Variants in IQGAP2 observed in about 807,000 individuals in gnomAD.
IQGAP2 encodes the protein ras GTPase-activating-like protein IQGAP2.
A neutral mutation model predicts 201.3 loss-of-function variants in IQGAP2; 173 were observed. The observed-to-expected ratio is 0.86, with a 90% CI of 0.76 to 0.98. The LOEUF (loss-of-function observed/expected upper bound fraction) is 0.98. Among genes scored for constraint, IQGAP2 ranks in the 50% least tolerant of loss-of-function variants. The pLI is 0.00. For synonymous variants in IQGAP2, 675 were observed against 673.9 expected (o/e 1.00, Z -0.03); for missense variants, 1,687 against 1,864.8 (o/e 0.90, Z 1.76).
rs59781605 is a variant in IQGAP2 at position 76,471,364 on chromosome 5, C to CA, written c.146+9717dup. ...GTCCTACCTCTGAAAATAAACTAAG[C>CA]AAAAAAAAAAAAAAAAAAAAAACAC... On this transcript the variant is annotated intron_variant, in intron 2 of 35. Coordinates refer to ENST00000274364, the MANE Select transcript of IQGAP2 (RefSeq NM_006633.5). Among the ~76,000 whole-genome samples, 64 of 72,522 alleles carry CA rather than the reference C, an allele frequency of 8.8e-4. 1 individual carries two copies. The South Asian group carries it at 9.9e-3, about 11-fold the overall frequency. The allele number at this position is 72,522 out of a possible 152,430, so 47.6% of individuals were successfully genotyped here.
chr5:76,575,201 CTTACT>C (rs1365619307), intron 4 of IQGAP2, among the ~76,000 whole-genome samples: 2 of 151,496 alleles, frequency 1.3e-5, no homozygotes, highest in East Asian at 3.9e-4. Context: ...GTGAAAATGT[CTTACT>C]TTAAACAGAT....
At chr5:76,446,760 A>T (rs902370003) in intron 1 of IQGAP2, among the ~76,000 whole-genome samples, 2 of 152,230 alleles carry the variant, frequency 1.3e-5, no homozygotes, top group African/African-American at 4.8e-5. Flanking sequence ...CTACCAAATT[A>T]GAATGATCCT....
intron 1 of IQGAP2, among the ~76,000 whole-genome samples, chr5:76,453,926 G>T (rs1457656362): frequency 6.6e-6 from 1 of 152,140 alleles, no homozygotes; most frequent in African/African-American, 2.4e-5. Context: ...ACCTTCTGTT[G>T]TTGGAGTTAA....
At chr5:76,555,591 C>G (rs1393657010) in intron 2 of IQGAP2, among the ~76,000 whole-genome samples, 1 of 152,188 alleles carries the variant, frequency 6.6e-6, no homozygotes, top group Non-Finnish European at 1.5e-5. Context: ...TGTAACAGAT[C>G]AGCAAGCCCC....
At chr5:76,546,344 G>A (rs1472516943) in intron 2 of IQGAP2, among the ~76,000 whole-genome samples, 1 of 152,190 alleles carries the variant, frequency 6.6e-6, no homozygotes, top group Non-Finnish European at 1.5e-5. Flanking sequence ...GCTGAGGCAG[G>A]AGAATCCTCG....
In IQGAP2 at chr5:76,668,811, A is replaced by T. The variant is rs1253259229; in HGVS notation, c.2810A>T (p.Lys937Met). 1 of 1,605,554 alleles carries T rather than the reference A, an allele frequency of 6.2e-7. No homozygotes were observed. Among genetic ancestry groups the T allele is most frequent in the East Asian group, 2.2e-5 (1 of 44,654 alleles). The change falls in exon 23 of 36, where the codon AAG becomes ATG. Residue 937 changes from lysine to methionine, a missense_variant. Physicochemically the swap from Lys to Met is moderately conservative, Grantham distance 95. Coordinates refer to ENST00000274364, the MANE Select transcript of IQGAP2 (RefSeq NM_006633.5). ...SNQREEYLLL[K>M]LFKTALEEEI... Reference sequence around the variant, plus strand: ...CAGCGAGAAGAATATCTACTTCTCAAGCTTTTTAAAACTGCTCTGGAGGAA... The same window carrying T: ...CAGCGAGAAGAATATCTACTTCTCATGCTTTTTAAAACTGCTCTGGAGGAA...
At chr5:76,598,689 G>A (rs913270675) in intron 10 of IQGAP2, among the ~76,000 whole-genome samples, 1 of 152,068 alleles carries the variant, frequency 6.6e-6, no homozygotes, top group Non-Finnish European at 1.5e-5. Context: ...TGACAGTTAC[G>A]TTCTAGAAAA....
intron 2 of IQGAP2, among the ~76,000 whole-genome samples, chr5:76,522,958 C>T (rs1269601923): frequency 3.9e-5 from 6 of 152,012 alleles, no homozygotes; most frequent in East Asian, 1.9e-4. Context: ...TTCTTTCTTA[C>T]CACCATCCAT....
At chr5:76,554,404 TC>T (rs1743771041) in intron 2 of IQGAP2, among the ~76,000 whole-genome samples, 1 of 152,188 alleles carries the variant, frequency 6.6e-6, no homozygotes, top group African/African-American at 2.4e-5. Flanking sequence ...GGAAACACTT[TC>T]AAATCATATA....
intron 2 of IQGAP2, among the ~76,000 whole-genome samples, chr5:76,496,553 T>A (rs1462854689): frequency 6.6e-6 from 1 of 152,066 alleles, no homozygotes; most frequent in Non-Finnish European, 1.5e-5. Flanking sequence ...ACAGGTTCTG[T>A]CTGTACTCAG....
chr5:76,613,212 G>A (rs537656050), intron 13 of IQGAP2, among the ~76,000 whole-genome samples: 114 of 152,364 alleles, frequency 7.5e-4, no homozygotes, highest in African/African-American at 2.7e-3. Context: ...GAGTGGGAGA[G>A]TGAGGGCTCA....
At chr5:76,617,964 A>G (rs1167082150) in intron 13 of IQGAP2, 1 of 1,614,182 alleles carries the variant, frequency 6.2e-7, no homozygotes, top group East Asian at 2.2e-5. Context: ...AGTGTTGTGA[A>G]CATCATGGCA....
chr5:76,614,555 C>G (rs1469550855), intron 13 of IQGAP2, among the ~76,000 whole-genome samples: 1 of 147,846 alleles, frequency 6.8e-6, no homozygotes, highest in Non-Finnish European at 1.5e-5. Flanking sequence ...TGGAAAAATC[C>G]TAATTCTGTT....
rs1160635404 is a variant in IQGAP2 at position 76,601,681 on chromosome 5, T to C, written c.1232+709T>C. On this transcript the variant is annotated intron_variant, in intron 11 of 35. Coordinates refer to ENST00000274364, the MANE Select transcript of IQGAP2 (RefSeq NM_006633.5). Reference sequence around the variant, plus strand: ...CCAGGGGGAGATGTCTGCACAGATCTTGACAAAAGCTCTTTTCAGCTACTG... The same window carrying C: ...CCAGGGGGAGATGTCTGCACAGATCCTGACAAAAGCTCTTTTCAGCTACTG... 2.0e-5 allele frequency among the ~76,000 whole-genome samples: 3 copies of C among 152,210 alleles called. No homozygotes were observed. The South Asian group carries it at 6.2e-4, about 32-fold the overall frequency.
chr5:76,473,351 T>G (rs1755229282), intron 2 of IQGAP2, among the ~76,000 whole-genome samples: 1 of 152,204 alleles, frequency 6.6e-6, no homozygotes, highest in Admixed American at 6.5e-5. Context: ...TCTCTTTTTT[T>G]TTCCTGTGAA....
At chr5:76,562,613 C>T in intron 3 of IQGAP2, 61 bp downstream of exon 3, 3 of 1,423,370 alleles carry the variant, frequency 2.1e-6, no homozygotes, top group Non-Finnish European at 9.8e-7. Context: ...TATTTCATAT[C>T]CTCTCCCTTC....
intron 23 of IQGAP2, among the ~76,000 whole-genome samples, chr5:76,671,064 C>G (rs34653273): frequency 0.18 from 27,317 of 151,946 alleles, 2,747 homozygotes; most frequent in South Asian, 0.36. Context: ...GAAGTTGGGA[C>G]CAGCCTGGCC....
chr5:76,608,356 T>C (rs1360937635), intron 12 of IQGAP2, among the ~76,000 whole-genome samples: 1 of 152,172 alleles, frequency 6.6e-6, no homozygotes, highest in Non-Finnish European at 1.5e-5. Context: ...TAATACAGAG[T>C]ATTTAATTTA....
At chr5:76,629,893 A>G (rs544465762) in intron 14 of IQGAP2, among the ~76,000 whole-genome samples, 3 of 152,332 alleles carry the variant, frequency 2.0e-5, no homozygotes, top group African/African-American at 7.2e-5. Context: ...AAAGTCATCT[A>G]TCTGATATCT....
Sources: gnomAD v4.1 joint callset for allele counts (sites outside exome capture counted in the v4.1 genomes callset) on GRCh38, gnomAD v4.1.1 for gene constraint, MANE v1.5 for transcripts, NCBI Gene and HGNC (gene_info 2026-07-23, HGNC 2026-07-21) for gene names.